The following IL1RAPL1 variants were observed in gnomAD, a reference collection of about 807,000 sequenced individuals.
IL1RAPL1 encodes interleukin-1 receptor accessory protein-like 1.
IL1RAPL1 carries 3 observed loss-of-function variants against 48.4 expected under a neutral mutation model. The observed-to-expected ratio is 0.06, with a 90% CI of 0.03 to 0.16. IL1RAPL1 has a LOEUF of 0.16. Among genes scored for constraint, IL1RAPL1 ranks in the 10% least tolerant of loss-of-function variants. The pLI, the probability that IL1RAPL1 is intolerant of heterozygous loss-of-function variation, is 1.00. For missense variants in IL1RAPL1, 349 were observed against 530.6 expected (o/e 0.66, Z 3.36); for synonymous variants, 185 against 187.7 (o/e 0.99, Z 0.12).
chrX:29,933,242 G>A (rs746663162), intron 8 of IL1RAPL1, among the ~76,000 whole-genome samples: 31 of 111,065 alleles, frequency 2.8e-4, no homozygotes, highest in Non-Finnish European at 5.1e-4. Context: ...TAGATGACAG[G>A]TTGATGGGTG....
intron 1 of IL1RAPL1, among the ~76,000 whole-genome samples, chrX:28,650,684 T>C (rs768695998): frequency 1.8e-5 from 2 of 111,852 alleles, no homozygotes; most frequent in South Asian, 7.5e-4. Flanking sequence ...CTTGCTCTTA[T>C]TTGCTCTATG....
intron 6 of IL1RAPL1, among the ~76,000 whole-genome samples, chrX:29,738,411 T>A (rs183416759): frequency 6.5e-4 from 71 of 109,583 alleles, no homozygotes; most frequent in African/African-American, 2.2e-3. Flanking sequence ...TGACTACTTG[T>A]CATTTTATTT....
At chrX:29,861,643 T>C (rs1931587189) in intron 6 of IL1RAPL1, among the ~76,000 whole-genome samples, 1 of 110,645 alleles carries the variant, frequency 9.0e-6, no homozygotes, top group African/African-American at 3.3e-5. Context: ...AACTCACCGC[T>C]AAAGAACTTC....
chrX:29,463,497 C>T (rs1358109284), intron 5 of IL1RAPL1, among the ~76,000 whole-genome samples: 1 of 111,678 alleles, frequency 9.0e-6, no homozygotes, highest in Non-Finnish European at 1.9e-5. Context: ...TGTAATAAGT[C>T]AGGGTTTATT....
chrX:29,903,183 T>TGAGAGA (rs1193474559), intron 6 of IL1RAPL1, among the ~76,000 whole-genome samples: 5 of 93,013 alleles, frequency 5.4e-5, no homozygotes, highest in Non-Finnish European at 1.1e-4. Flanking sequence ...TGTGTGTGTG[T>TGAGAGA]GAGAGAGAGA....
intron 1 of IL1RAPL1, among the ~76,000 whole-genome samples, chrX:28,696,766 C>T (rs1935236417): frequency 9.0e-6 from 1 of 111,480 alleles, no homozygotes; most frequent in Admixed American, 9.6e-5. Context: ...ACTAAACAGA[C>T]ATAGCTCTGT....
intron 6 of IL1RAPL1, among the ~76,000 whole-genome samples, chrX:29,841,865 A>G (rs1931143695): frequency 9.0e-6 from 1 of 111,720 alleles, no homozygotes; most frequent in Non-Finnish European, 1.9e-5. Flanking sequence ...CAGATAGCAT[A>G]CTATGGCTAT....
At chrX:29,884,948 CCA>C (rs1184641668) in intron 6 of IL1RAPL1, among the ~76,000 whole-genome samples, 1 of 111,940 alleles carries the variant, frequency 8.9e-6, no homozygotes, top group African/African-American at 3.2e-5. Flanking sequence ...AAGGCACTTA[CCA>C]CAGTTTGTTG....
intron 2 of IL1RAPL1, among the ~76,000 whole-genome samples, chrX:29,027,312 A>G (rs1926507552): frequency 8.9e-6 from 1 of 112,214 alleles, no homozygotes; most frequent in Non-Finnish European, 1.9e-5. Flanking sequence ...TCAAATAATT[A>G]GCTTTTTTCA....
intron 2 of IL1RAPL1, among the ~76,000 whole-genome samples, chrX:28,810,875 T>G: frequency 9.1e-6 from 1 of 110,306 alleles, no homozygotes; most frequent in Non-Finnish European, 1.9e-5. Flanking sequence ...CACCTGCATC[T>G]AATGAAATTA....
At chrX:29,361,894 C>T (rs187324923) in intron 3 of IL1RAPL1, among the ~76,000 whole-genome samples, 152 of 112,256 alleles carry the variant, frequency 1.4e-3, no homozygotes, top group African/African-American at 4.3e-3. Flanking sequence ...TGTTAAGTGT[C>T]ACTCTTAAAT....
At chrX:29,679,099 C>CT (rs1926374257) in intron 6 of IL1RAPL1, among the ~76,000 whole-genome samples, 1 of 111,102 alleles carries the variant, frequency 9.0e-6, no homozygotes, top group Non-Finnish European at 1.9e-5. Context: ...GAATGCATTG[C>CT]TTTTCTGGAA....
intron 1 of IL1RAPL1, among the ~76,000 whole-genome samples, chrX:28,783,843 C>G (rs1936447106): frequency 9.0e-6 from 1 of 111,294 alleles, no homozygotes; most frequent in African/African-American, 3.3e-5. Context: ...CCAGGCTGCA[C>G]TGAGCACTTT....
chrX:29,165,273 C>G (rs139468175), intron 2 of IL1RAPL1, among the ~76,000 whole-genome samples: 203 of 111,471 alleles, frequency 1.8e-3, no homozygotes, highest in African/African-American at 6.4e-3. Flanking sequence ...CAGCGGAGAT[C>G]GCGCCATTAC....
chrX:29,203,722 A>AATATAGATATAGATATATAT (rs1419764371), intron 2 of IL1RAPL1, among the ~76,000 whole-genome samples: 1 of 78,428 alleles, frequency 1.3e-5, no homozygotes, highest in African/African-American at 5.4e-5. Flanking sequence ...TCCGTCTCAA[A>AATATAGATATAGATATATAT]ATATATATAT....
chrX:29,015,264 A>C (rs760174227), intron 2 of IL1RAPL1, among the ~76,000 whole-genome samples: 8 of 111,283 alleles, frequency 7.2e-5, no homozygotes, highest in South Asian at 7.5e-4. Context: ...TAATTTAATG[A>C]TTGCTATTAT....
intron 6 of IL1RAPL1, among the ~76,000 whole-genome samples, chrX:29,912,415 T>C (rs1367749697): frequency 1.8e-5 from 2 of 112,083 alleles, no homozygotes; most frequent in East Asian, 5.6e-4. Context: ...TAATGGGTCC[T>C]GGTAATACGA....
chrX:29,214,859 T>C (rs1372080400), intron 2 of IL1RAPL1, among the ~76,000 whole-genome samples: 2 of 112,294 alleles, frequency 1.8e-5, no homozygotes, highest in Non-Finnish European at 3.8e-5. Flanking sequence ...TATTTAATCA[T>C]TGTACAAATT....
intron 2 of IL1RAPL1, among the ~76,000 whole-genome samples, chrX:28,838,150 G>C (rs767060005): frequency 1.8e-5 from 2 of 111,198 alleles, no homozygotes; most frequent in South Asian, 7.4e-4. Context: ...GATGGAAACT[G>C]TATCACAGAA....
Sources: allele counts gnomAD v4.1 joint callset (sites outside exome capture counted in the v4.1 genomes callset), GRCh38; gene constraint gnomAD v4.1.1; transcripts MANE v1.5; gene names NCBI Gene and HGNC (gene_info 2026-07-23, HGNC 2026-07-21).